PTPRD: variants seen among roughly 807,000 people sequenced by gnomAD.
The protein encoded by PTPRD is receptor-type tyrosine-protein phosphatase delta.
A neutral mutation model predicts 214.5 loss-of-function variants in PTPRD; 34 were observed. The observed-to-expected ratio is 0.16, with a 90% CI of 0.12 to 0.21. PTPRD has a LOEUF of 0.21. PTPRD is among the 10% of genes least tolerant of loss of function. The pLI is 1.00. For missense variants in PTPRD, 2,545 were observed against 2,398.7 expected, an observed-to-expected ratio of 1.06 and a Z score of -1.27; for synonymous variants, 1,128 against 845.7, an observed-to-expected ratio of 1.33 and a Z score of -5.79.
At chr9:9,410,628 A>T (rs1388078462) in intron 8 of PTPRD, among the ~76,000 whole-genome samples, 1 of 152,190 alleles carries the variant, frequency 6.6e-6, no homozygotes. Context: ...GAGGGAAAAG[A>T]GGCTTTGAAA....
chr9:9,980,721 A>T (rs930482675), intron 4 of PTPRD, among the ~76,000 whole-genome samples: 1 of 151,086 alleles, frequency 6.6e-6, no homozygotes, highest in African/African-American at 2.4e-5. Flanking sequence ...AGAAAAAAAA[A>T]TTAACACTGG....
rs537115107 is a variant in PTPRD at position 10,265,268 on chromosome 9, G to A, written c.-545+75695C>T. Among the ~76,000 whole-genome samples the A allele has an allele frequency of 3.9e-5, 6 of 152,186 alleles. No individual in the cohort carries two copies. The East Asian group carries it at 1.2e-3, about 29-fold the overall frequency. On this transcript the variant is annotated intron_variant, in intron 3 of 45. Coordinates refer to ENST00000381196, the MANE Select transcript of PTPRD (RefSeq NM_002839.4). ...GGAAGTCCTACAACAGCATCTATTT[G>A]AATAAGTCTGGGCTAGCCTGTACAA...
intron 2 of PTPRD, among the ~76,000 whole-genome samples, chr9:10,457,147 T>G (rs187906847): frequency 2.6e-5 from 4 of 152,096 alleles, no homozygotes. Context: ...ATATCTTAAA[T>G]GTAGAGCTGG....
At chr9:9,140,366 AT>A (rs201169148) in intron 10 of PTPRD, among the ~76,000 whole-genome samples, 4 of 151,848 alleles carry the variant, frequency 2.6e-5, no homozygotes, top group East Asian at 1.9e-4. Context: ...AATCCCCACT[AT>A]TTTTTTTATA....
intron 11 of PTPRD, among the ~76,000 whole-genome samples, chr9:8,788,596 G>A (rs1370405167): frequency 6.6e-6 from 1 of 152,008 alleles, no homozygotes; most frequent in East Asian, 1.9e-4. Flanking sequence ...TTTTAACTTA[G>A]CCTAAAAACG....
At chr9:9,705,054 T>C (rs1190567819) in intron 7 of PTPRD, among the ~76,000 whole-genome samples, 2 of 152,196 alleles carry the variant, frequency 1.3e-5, no homozygotes, top group African/African-American at 4.8e-5. Flanking sequence ...CCTTTTCTTT[T>C]CTTTTGTTTA....
chr9:9,035,569 CT>C, intron 10 of PTPRD, among the ~76,000 whole-genome samples: 1 of 151,580 alleles, frequency 6.6e-6, no homozygotes, highest in Non-Finnish European at 1.5e-5. Flanking sequence ...ACCCCACCCG[CT>C]TCCTCTCTCC....
intron 2 of PTPRD, among the ~76,000 whole-genome samples, chr9:10,402,160 T>C (rs1183240341): frequency 1.3e-5 from 2 of 151,722 alleles, no homozygotes; most frequent in East Asian, 3.9e-4. Context: ...CCAGCCACTG[T>C]TTCACAGAGC....
intron 7 of PTPRD, among the ~76,000 whole-genome samples, chr9:9,694,670 C>A (rs1355188922): frequency 1.3e-5 from 2 of 152,084 alleles, no homozygotes; most frequent in African/African-American, 4.8e-5. Context: ...GCTAAACTGG[C>A]ACTCAAACTA....
chr9:9,143,965 C>T (rs75313777), intron 10 of PTPRD, among the ~76,000 whole-genome samples: 5,971 of 152,230 alleles, frequency 0.039, 400 homozygotes, highest in African/African-American at 0.13. Context: ...TAGGTATTTT[C>T]CCCCTTCTAG....
At chr9:9,951,591 C>A (rs1035626002) in intron 4 of PTPRD, among the ~76,000 whole-genome samples, 1 of 152,204 alleles carries the variant, frequency 6.6e-6, no homozygotes, top group South Asian at 2.1e-4. Flanking sequence ...CCTCCCCTTG[C>A]CTGGAGGGCA....
chr9:10,066,743 C>T (rs942848627), intron 3 of PTPRD, among the ~76,000 whole-genome samples: 1 of 151,916 alleles, frequency 6.6e-6, no homozygotes, highest in Non-Finnish European at 1.5e-5. Context: ...TTGACACTTT[C>T]ACTAAACAAA....
chr9:9,643,948 C>T (rs1283352711), intron 7 of PTPRD, among the ~76,000 whole-genome samples: 2 of 152,148 alleles, frequency 1.3e-5, no homozygotes, highest in African/African-American at 4.8e-5. Context: ...TGTTGTACAA[C>T]TATTACCATT....
intron 8 of PTPRD, among the ~76,000 whole-genome samples, chr9:9,535,798 T>G (rs2154267917): frequency 6.6e-6 from 1 of 152,152 alleles, no homozygotes; most frequent in Non-Finnish European, 1.5e-5. Flanking sequence ...GCTGGACCAC[T>G]TCAGTGTATA....
intron 31 of PTPRD, among the ~76,000 whole-genome samples, chr9:8,469,962 T>C (rs919487315): frequency 1.3e-5 from 2 of 152,102 alleles, no homozygotes; most frequent in Admixed American, 1.3e-4. Context: ...GCATCATCTC[T>C]CTGTAATGTA....
At chr9:8,825,553 A>T (rs762166008) in intron 11 of PTPRD, among the ~76,000 whole-genome samples, 1 of 152,220 alleles carries the variant, frequency 6.6e-6, no homozygotes, top group Non-Finnish European at 1.5e-5. Flanking sequence ...TTTGAAAAAT[A>T]AAAGATTAGC....
At chr9:10,294,357 A>G (rs895661094) in intron 3 of PTPRD, among the ~76,000 whole-genome samples, 4 of 151,964 alleles carry the variant, frequency 2.6e-5, no homozygotes, top group African/African-American at 9.7e-5. Context: ...AGGCAAAAAG[A>G]TGGGGAAAAG....
chr9:9,674,916 A>T (rs2096900263), intron 7 of PTPRD, among the ~76,000 whole-genome samples: 1 of 151,880 alleles, frequency 6.6e-6, no homozygotes, highest in Non-Finnish European at 1.5e-5. Context: ...CAAATGGTGA[A>T]CAAAAAGACA....
chr9:8,726,946 C>T (rs2098586777), intron 12 of PTPRD, among the ~76,000 whole-genome samples: 1 of 151,524 alleles, frequency 6.6e-6, no homozygotes. Flanking sequence ...ACTACTCCAG[C>T]CTGGGCAGCA....
Sources: allele counts gnomAD v4.1 joint callset (sites outside exome capture counted in the v4.1 genomes callset), GRCh38; gene constraint gnomAD v4.1.1; transcripts MANE v1.5; gene names NCBI Gene and HGNC (gene_info 2026-07-23, HGNC 2026-07-21).